KLHL32: variants seen among roughly 807,000 people sequenced by gnomAD.
The protein encoded by KLHL32 is kelch like family member 32.
In KLHL32, 35 loss-of-function variants were observed where a neutral mutation model predicts 64.8. The ratio of observed to expected loss-of-function variants is 0.54; its 90% CI spans 0.41 to 0.72. The LOEUF is 0.72. Ranked by LOEUF, KLHL32 falls within the 30% of genes least tolerant of loss-of-function variation. KLHL32 has a pLI of 0.00. For missense variants in KLHL32, 589 were observed against 768.5 expected (o/e 0.77, Z 2.76); for synonymous variants, 259 against 281.0 (o/e 0.92, Z 0.78).
chr6:97,100,807 T>TC (rs1795610679), intron 6 of KLHL32, among the ~76,000 whole-genome samples: 1 of 145,548 alleles, frequency 6.9e-6, no homozygotes, highest in African/African-American at 2.5e-5. Context: ...TTCTTTTTTT[T>TC]TTTTTTTTTT....
At chr6:96,958,380 C>G (rs558589968) in intron 1 of KLHL32, among the ~76,000 whole-genome samples, 2 of 152,194 alleles carry the variant, frequency 1.3e-5, no homozygotes, top group South Asian at 4.1e-4. Flanking sequence ...GAGGTGACAT[C>G]TGAAACCTGC....
At chr6:97,087,722 A>G (rs559096426) in intron 6 of KLHL32, among the ~76,000 whole-genome samples, 1 of 152,170 alleles carries the variant, frequency 6.6e-6, no homozygotes, top group Admixed American at 6.5e-5. Flanking sequence ...TGGCTCTTCT[A>G]CTATGTACTG....
chr6:96,914,235 A>G, the KLHL32 span, among the ~76,000 whole-genome samples: 1 of 152,140 alleles, frequency 6.6e-6, no homozygotes, highest in African/African-American at 2.4e-5. Context: ...CCCATGCTAG[A>G]TTTCTAACCT....
chr6:97,134,288 A>G (rs1799758038), intron 10 of KLHL32, among the ~76,000 whole-genome samples: 1 of 152,204 alleles, frequency 6.6e-6, no homozygotes, highest in South Asian at 2.1e-4. Context: ...ACACATGAAG[A>G]GCCACATAAG....
At chr6:97,076,913 A>G (rs1204670530) in intron 5 of KLHL32, among the ~76,000 whole-genome samples, 1 of 152,118 alleles carries the variant, frequency 6.6e-6, no homozygotes, top group African/African-American at 2.4e-5. Flanking sequence ...AGGAAAATCT[A>G]TGTTTTTGCC....
intron 3 of KLHL32, among the ~76,000 whole-genome samples, chr6:97,003,658 A>AT (rs1779317396): frequency 6.6e-6 from 1 of 151,996 alleles, no homozygotes; most frequent in African/African-American, 2.4e-5. Context: ...TCTTGAGTTG[A>AT]TTTTTTGTAT....
chr6:97,006,003 A>G (rs1482146275), intron 3 of KLHL32, among the ~76,000 whole-genome samples: 8 of 152,168 alleles, frequency 5.3e-5, no homozygotes, highest in Admixed American at 5.2e-4. Context: ...TGGGGCATCA[A>G]GTTCAGTAGA....
chr6:97,067,534 G>C (rs1789988991), intron 5 of KLHL32, among the ~76,000 whole-genome samples: 2 of 151,994 alleles, frequency 1.3e-5, no homozygotes, highest in Admixed American at 1.3e-4. Context: ...CTCAATCTGT[G>C]GTAACCCATG....
Position 97,055,796 on chromosome 6 carries a change from T to TAAAAAAAAAAAAAAAAAAAAAAAAAAAA in KLHL32, c.313-8806_313-8805insAAAAAAAAAAAAAAAAAAAAAAAAAAAA, listed in dbSNP as rs750242567. ...CGAGGTAACAGACTGAGAACCTGTC[T>TAAAAAAAAAAAAAAAAAAAAAAAAAAAA]AAAAAAAAAAAAAAAAAAAAAAAAA... is the stretch of plus-strand genomic sequence containing the variant. On this transcript the variant is annotated intron_variant, in intron 4 of 10. Transcript: ENST00000369261. 1.6e-3 allele frequency among the ~76,000 whole-genome samples: 129 copies of TAAAAAAAAAAAAAAAAAAAAAAAAAAAA among 81,030 alleles called. 20 individuals are homozygous for TAAAAAAAAAAAAAAAAAAAAAAAAAAAA. The highest frequency in any genetic ancestry group is 3.0e-3 in the South Asian group (6 of 2,016). 53.2% of individuals were successfully genotyped at this position (81,030 alleles called of 152,430 possible). A position where few individuals can be genotyped will look rare whatever the true frequency, so the allele number is the denominator to read the frequency against.
At chr6:96,970,985 CA>C (rs1461680016) in intron 2 of KLHL32, among the ~76,000 whole-genome samples, 1 of 151,846 alleles carries the variant, frequency 6.6e-6, no homozygotes, top group Non-Finnish European at 1.5e-5. Flanking sequence ...GATAGTTCAC[CA>C]ATAGACTGAA....
Position 97,006,607 on chromosome 6 carries a change from T to A in KLHL32, c.204+30430T>A, listed in dbSNP as rs544262067. The stretch of plus-strand genomic sequence containing the variant: ...TGTGTAGTTGCTCTATATACTTAAA[T>A]GTGTTTTTGTGGTGACCAGTAATGG... On this transcript the variant is annotated intron_variant, in intron 3 of 10. Transcript: ENST00000369261. Among the ~76,000 whole-genome samples the A allele has an allele frequency of 5.9e-5, 9 of 152,154 alleles. No homozygotes were observed. The South Asian group carries it at 1.9e-3, about 32-fold the overall frequency.
At chr6:96,979,520 A>G (rs978523535) in intron 3 of KLHL32, among the ~76,000 whole-genome samples, 2 of 152,156 alleles carry the variant, frequency 1.3e-5, no homozygotes, top group Admixed American at 6.5e-5. Flanking sequence ...TACTGGTATC[A>G]TGCTGTTTTG....
chr6:97,002,936 T>C (rs1343891466), intron 3 of KLHL32, among the ~76,000 whole-genome samples: 1 of 152,222 alleles, frequency 6.6e-6, no homozygotes, highest in African/African-American at 2.4e-5. Flanking sequence ...GTCTTTGCTA[T>C]CGTAAATAAT....
the KLHL32 span, among the ~76,000 whole-genome samples, chr6:96,902,186 T>G: frequency 6.6e-6 from 1 of 152,250 alleles, no homozygotes; most frequent in Non-Finnish European, 1.5e-5. Flanking sequence ...ATGGTTGAAC[T>G]AATTTACACT....
chr6:97,100,467 A>C (rs1795557850), intron 6 of KLHL32, among the ~76,000 whole-genome samples: 1 of 152,172 alleles, frequency 6.6e-6, no homozygotes, highest in Non-Finnish European at 1.5e-5. Flanking sequence ...TGGCCCTGAC[A>C]GTGTTTAGTC....
At chr6:97,116,764 A>G (rs1797843983) in intron 7 of KLHL32, among the ~76,000 whole-genome samples, 1 of 152,172 alleles carries the variant, frequency 6.6e-6, no homozygotes. Context: ...TTCCCTTTCA[A>G]TATGTGTCTA....
At chr6:97,058,326 G>A (rs976251406) in intron 4 of KLHL32, among the ~76,000 whole-genome samples, 8 of 152,138 alleles carry the variant, frequency 5.3e-5, no homozygotes, top group African/African-American at 1.9e-4. Context: ...AAATTGAGTT[G>A]GGAAGAACTG....
At chr6:96,946,927 T>C (rs1009488268) in intron 1 of KLHL32, among the ~76,000 whole-genome samples, 3 of 152,100 alleles carry the variant, frequency 2.0e-5, no homozygotes, top group Non-Finnish European at 4.4e-5. Flanking sequence ...TAGAAAAATA[T>C]TGGGTTCTAT....
intron 5 of KLHL32, 30 bp downstream of exon 5, chr6:97,064,756 C>T (rs749298964): frequency 1.3e-6 from 2 of 1,511,186 alleles, no homozygotes; most frequent in South Asian, 2.3e-5. Context: ...GCTCATACAC[C>T]CTTCACATTC....
Sources: gnomAD v4.1 joint callset for allele counts (sites outside exome capture counted in the v4.1 genomes callset) on GRCh38, gnomAD v4.1.1 for gene constraint, MANE v1.5 for transcripts, NCBI Gene and HGNC (gene_info 2026-07-23, HGNC 2026-07-21) for gene names.